The following MMP9 variants were observed in gnomAD, a reference collection of about 807,000 sequenced individuals.
MMP9 encodes matrix metalloproteinase-9.
MMP9 carries 73 observed loss-of-function variants against 76.4 expected under a neutral mutation model. The ratio of observed to expected loss-of-function variants is 0.96; its 90% confidence interval spans 0.79 to 1.16. The LOEUF is 1.16. Among genes scored for constraint, MMP9 ranks in the 50% most tolerant of loss-of-function variants. MMP9 has a pLI of 0.00. For synonymous variants in MMP9, 412 were observed against 408.4 expected, an observed-to-expected ratio of 1.01 and a Z score of -0.11; for missense variants, 943 against 973.0, an observed-to-expected ratio of 0.97 and a Z score of 0.41.
rs1373094392 is a variant in MMP9, at chr20:46,009,074, C to T, written c.138+10C>T. The T allele has an allele frequency of 6.2e-7, 1 of 1,613,060 alleles. No individual in the cohort carries two copies. The highest frequency in any genetic ancestry group is 8.5e-7 in the Non-Finnish European group (1 of 1,179,570). On this transcript the variant is annotated intron_variant, in intron 1 of 12. Transcript: ENST00000372330. ...CAGGCAGCTGGCAGAGGTGGGCAAA[C>T]ACCTAGTCTAGAGTTGGGGAGGGCT...
Position 46,016,356 on chromosome 20 carries a change from C to T in MMP9, c.2112C>T (p.Cys704=). 6.2e-7 allele frequency: 1 copy of T among 1,613,726 alleles called. No homozygotes were observed. The highest frequency in any genetic ancestry group is 8.5e-7 in the Non-Finnish European group (1 of 1,179,672). Residue 704 remains cysteine, a synonymous_variant, in exon 13 of 13, where the codon TGC becomes TGT. Coordinates refer to ENST00000372330, the MANE Select transcript of MMP9 (RefSeq NM_004994.3). ...VGYVTYDILQ[C]PED is the part of the protein sequence containing the mutation. ...ACGTGACCTATGACATCCTGCAGTGCCCTGAGGACTAGGGCTCCCGTCCTG... is the reference window on the plus strand; with the variant it reads ...ACGTGACCTATGACATCCTGCAGTGTCCTGAGGACTAGGGCTCCCGTCCTG...
rs1048809692 is a variant in MMP9 at position 46,009,918 on chromosome 20, C to T, written c.191C>T (p.Ser64Leu). The T allele has an allele frequency of 1.3e-6, 2 of 1,552,192 alleles. No homozygotes were observed. Among genetic ancestry groups the T allele is most frequent in the African/African-American group, 1.4e-5 (1 of 73,038 alleles). Residue 64 changes from serine (S) to leucine (L), a missense_variant, in exon 2 of 13, where the codon TCG becomes TTG. By Grantham distance (145) the Ser-to-Leu change is moderately radical. Coordinates refer to ENST00000372330, the MANE Select transcript of MMP9 (RefSeq NM_004994.3). ...CGGGTGGCAGAGATGCGTGGAGAGT[C>T]GAAATCTCTGGGGCCTGCGCTGCTG... ...YTRVAEMRGE[S>L]KSLGPALLLL...
rs769707218 is a variant in MMP9 at position 46,012,598 on chromosome 20, G to A, written c.1330+16G>A. 3.7e-6 allele frequency: 6 copies of A among 1,612,916 alleles called. No individual in the cohort carries two copies. In the East Asian group the frequency reaches 6.7e-5, roughly 18 times the overall value. ...CACCTCTATGGTGAGGCAGGGGCAGGGATGGGAGGAGGAGGGGAAAGGGCG... is the reference window on the plus strand; with the variant it reads ...CACCTCTATGGTGAGGCAGGGGCAGAGATGGGAGGAGGAGGGGAAAGGGCG... On this transcript the variant is annotated intron_variant, in intron 8 of 12. Transcript: ENST00000372330.
intron 2 of MMP9, among the ~76,000 whole-genome samples, 155 bp from the exon 3 acceptor site, chr20:46,010,328 A>AACAAACAAAC (rs759197259): frequency 1.8e-5 from 2 of 108,600 alleles, no homozygotes; most frequent in East Asian, 2.5e-4. Context: ...AGACAAAAAA[A>AACAAACAAAC]AAAAAAAAAA....
At chr20:46,012,950 G>T (rs994155885) in intron 8 of MMP9, among the ~76,000 whole-genome samples, 3 of 152,252 alleles carry the variant, frequency 2.0e-5, no homozygotes, top group African/African-American at 2.4e-5. Context: ...AATGAGCAAG[G>T]CGTGAAGGCA....
chr20:46,010,174 C>T (rs907641956), intron 2 of MMP9, 76 bp downstream of exon 2: 4 of 1,349,668 alleles, frequency 3.0e-6, no homozygotes, highest in East Asian at 2.5e-5. Flanking sequence ...GTGAACATGT[C>T]CTGTCTTGGA....
chr20:46,011,567 G>C lies in MMP9; in HGVS notation c.824-7G>C. On this transcript the variant is annotated splice_region_variant and splice_polypyrimidine_tract_variant and intron_variant, in intron 5 of 12. Coordinates refer to ENST00000372330, the MANE Select transcript of MMP9 (RefSeq NM_004994.3). The stretch of plus-strand genomic sequence containing the variant: ...TCTCCCCCTTTCCCACATCCTCCTC[G>C]CCCCAGGACTCTACACCCAGGACGG... 2 of 1,613,580 alleles carry C rather than the reference G, an allele frequency of 1.2e-6. No homozygotes were observed. Among genetic ancestry groups the C allele is most frequent in the South Asian group, 2.2e-5 (2 of 91,052 alleles).
At chr20:46,014,022 C>T (rs763671512) in intron 10 of MMP9, 102 bp from the exon 11 acceptor site, 96 of 1,503,130 alleles carry the variant, frequency 6.4e-5, no homozygotes, top group Non-Finnish European at 8.1e-5. Context: ...GGACTGCGGG[C>T]ACGCGGGCTA....
rs1398684410 is a variant in MMP9, at chr20:46,016,435, G to A, written c.*67G>A. 2.3e-6 allele frequency: 3 copies of A among 1,298,678 alleles called. No individual in the cohort carries two copies. The highest frequency in any genetic ancestry group is 2.2e-6 in the Non-Finnish European group (2 of 892,888). 80.4% of individuals were successfully genotyped at this position (1,298,678 alleles called of 1,614,324 possible). A position where few individuals can be genotyped will look rare whatever the true frequency, so the allele number is the denominator to read the frequency against. ...GGGACCAACCCTGGGGAAGGAGCCA[G>A]TTTGCCGGATACAAACTGGTATTCT... is the stretch of plus-strand genomic sequence containing the variant. On this transcript the variant is annotated 3_prime_UTR_variant, in exon 13 of 13. Transcript: ENST00000372330.
Position 46,013,767 on chromosome 20 carries a change from G to T in MMP9, c.1721G>T (p.Arg574Leu), listed in dbSNP as rs2250889. 3.5e-5 allele frequency: 57 copies of T among 1,613,166 alleles called. No homozygotes were observed. Among genetic ancestry groups the T allele is most frequent in the Non-Finnish European group, 4.0e-5 (47 of 1,180,006 alleles). ...PRKLDSVFEERLSKKLFFFSG... is the reference protein window; with the variant it reads ...PRKLDSVFEELLSKKLFFFSG... ...AAGCTGGACTCGGTCTTTGAGGAGC[G>T]GCTCTCCAAGAAGCTTTTCTTCTTC... Residue 574 changes from arginine (R) to leucine (L), a missense_variant, in exon 10 of 13, where the codon CGG becomes CTG. Coordinates refer to ENST00000372330, the MANE Select transcript of MMP9 (RefSeq NM_004994.3). This position sits in a 1 kb window ranked among gnomAD's most constrained non-coding sequence, Gnocchi z 4.5.
chr20:46,012,659 G>T, intron 8 of MMP9, 77 bp downstream of exon 8: 1 of 1,554,404 alleles, frequency 6.4e-7, no homozygotes, highest in African/African-American at 1.4e-5. Context: ...TGGGGGTTGG[G>T]GATCGGGGGA....
chr20:46,009,374 T>TG (rs1393740850), intron 1 of MMP9, among the ~76,000 whole-genome samples: 7 of 151,540 alleles, frequency 4.6e-5, no homozygotes, highest in Non-Finnish European at 1.0e-4. Flanking sequence ...TATGCAGCTG[T>TG]GGGGTAGAAA....
chr20:46,009,072 A>C lies in MMP9; in HGVS notation c.138+8A>C, dbSNP rs774242164. On this transcript the variant is annotated splice_region_variant and intron_variant, in intron 1 of 12. Coordinates refer to ENST00000372330, the MANE Select transcript of MMP9 (RefSeq NM_004994.3). The stretch of plus-strand genomic sequence containing the variant: ...GACAGGCAGCTGGCAGAGGTGGGCA[A>C]ACACCTAGTCTAGAGTTGGGGAGGG... 1.2e-6 allele frequency: 2 copies of C among 1,613,214 alleles called. No homozygotes were observed. Among genetic ancestry groups the C allele is most frequent in the Admixed American group, 1.7e-5 (1 of 59,884 alleles).
Position 46,011,591 on chromosome 20 carries a change from G to A in MMP9, c.841G>A (p.Gly281Ser). 6.2e-7 allele frequency: 1 copy of A among 1,613,558 alleles called. No homozygotes were observed. The highest frequency in any genetic ancestry group is 8.5e-7 in the Non-Finnish European group (1 of 1,179,898). The change falls in exon 6 of 13, where the codon GGC becomes AGC. Residue 281 changes from glycine to serine, a missense_variant. Gly to Ser is a moderately conservative substitution (Grantham distance 56, BLOSUM62 0). Coordinates refer to ENST00000372330, the MANE Select transcript of MMP9 (RefSeq NM_004994.3). The part of the protein sequence containing the change: ...CPSERLYTQD[G>S]NADGKPCQFP... ...CGCCCCAGGACTCTACACCCAGGAC[G>A]GCAATGCTGATGGGAAACCCTGCCA...
In MMP9 at chr20:46,013,034, T is replaced by C. The variant is rs1416202207; in HGVS notation, c.1331-221T>C. 1.3e-5 allele frequency among the ~76,000 whole-genome samples: 2 copies of C among 152,230 alleles called. No individual in the cohort carries two copies. The highest frequency in any genetic ancestry group is 3.9e-4 in the East Asian group (2 of 5,176). ...TGAGCCCAGGAGTTCGAGGCTGTAG[T>C]GAGCTATGATTGCACCACTGCATTC... On this transcript the variant is annotated intron_variant, in intron 8 of 12. Coordinates refer to ENST00000372330, the MANE Select transcript of MMP9 (RefSeq NM_004994.3). The surrounding 1 kb of genome is among the most constrained non-coding windows in gnomAD (Gnocchi z 4.5).
chr20:46,011,149 C>T lies in MMP9; in HGVS notation c.656C>T (p.Pro219Leu), dbSNP rs200848405. ...GTCCCCCCTCCTCCTGCAGTGGTTC[C>T]AACTCGGTTTGGAAACGCAGATGGC... ...LWSLGKGVVV[P>L]TRFGNADGAA... Residue 219 changes from proline to leucine, a missense_variant, in exon 5 of 13, where the codon CCA (proline) becomes CTA (leucine). By Grantham distance (98) the Pro-to-Leu change is moderately conservative. Transcript: ENST00000372330. The T allele has an allele frequency of 5.6e-6, 9 of 1,614,170 alleles. No homozygotes were observed. Among genetic ancestry groups the T allele is most frequent in the Non-Finnish European group, 7.6e-6 (9 of 1,180,042 alleles).
In MMP9 at chr20:46,014,116, C is replaced by A; in HGVS notation, c.1751-8C>A. 1 of 1,534,864 alleles carries A rather than the reference C, an allele frequency of 6.5e-7. No homozygotes were observed. The highest frequency in any genetic ancestry group is 8.7e-7 in the Non-Finnish European group (1 of 1,146,630). The stretch of plus-strand genomic sequence containing the variant: ...CCCCCAAACCGACGTGACCCTCCTC[C>A]CCTGCAGGGCGCCAGGTGTGGGTGT... On this transcript the variant is annotated splice_region_variant and splice_polypyrimidine_tract_variant and intron_variant, in intron 10 of 12. Transcript: ENST00000372330.
chr20:46,011,711 G>T lies in MMP9; in HGVS notation c.961G>T (p.Asp321Tyr), dbSNP rs371340871. The T allele has an allele frequency of 6.2e-7, 1 of 1,613,676 alleles. No individual in the cohort carries two copies. The highest frequency in any genetic ancestry group is 8.5e-7 in the Non-Finnish European group (1 of 1,180,010). ...YRWCATTANY[D>Y]RDKLFGFCPT... is the part of the protein sequence containing the mutation. ...CTGGTGCGCCACCACCGCCAACTAC[G>T]ACCGGGACAAGCTCTTCGGCTTCTG... is the stretch of plus-strand genomic sequence containing the variant. The change falls in exon 6 of 13, where the codon GAC (aspartate) becomes TAC (tyrosine). Residue 321 changes from aspartate to tyrosine, a missense_variant. Physicochemically the swap from Asp to Tyr is radical, Grantham distance 160. Coordinates refer to ENST00000372330, the MANE Select transcript of MMP9 (RefSeq NM_004994.3).
At position 46,013,904 on chromosome 20, in the gene MMP9, G is replaced by T; in HGVS notation, c.1750+108G>T. 1 of 1,506,592 alleles carries T rather than the reference G, an allele frequency of 6.6e-7. No homozygotes were observed. Among genetic ancestry groups the T allele is most frequent in the Non-Finnish European group, 9.0e-7 (1 of 1,108,354 alleles). The allele number at this position is 1,506,592 out of a possible 1,614,324, so 93.3% of individuals were successfully genotyped here. ...CGTCTTGTGCGTTTTAGAAAAATAC[G>T]CCCCCTGGCGGACGCAGTTTAGCAA... On this transcript the variant is annotated intron_variant, in intron 10 of 12. Transcript: ENST00000372330. This position sits in a 1 kb window ranked among gnomAD's most constrained non-coding sequence, Gnocchi z 4.5.
Sources: gnomAD v4.1 joint callset for allele counts (sites outside exome capture counted in the v4.1 genomes callset) on GRCh38, gnomAD v4.1.1 for gene constraint, Gnocchi (gnomAD v3.1) non-coding constraint, MANE v1.5 for transcripts, NCBI Gene and HGNC (gene_info 2026-07-23, HGNC 2026-07-21) for gene names.